The following NREP variants were observed in gnomAD, a reference collection of about 807,000 sequenced individuals.
NREP encodes the protein neuronal regeneration related protein.
NREP carries 5 observed loss-of-function variants against 8.6 expected under a neutral mutation model. The ratio of observed to expected loss-of-function variants is 0.58; its 90% confidence interval spans 0.30 to 1.22. The LOEUF is 1.22. Ranked by LOEUF, NREP falls within the 50% of genes most tolerant of loss-of-function variation. NREP has a pLI of 0.07. For missense variants in NREP, 86 were observed against 82.5 expected (o/e 1.04, Z -0.17); for synonymous variants, 27 against 28.0 (o/e 0.96, Z 0.11).
chr5:111,880,204 G>C (rs752966708), intron 2 of NREP, among the ~76,000 whole-genome samples: 1 of 151,836 alleles, frequency 6.6e-6, no homozygotes, highest in Non-Finnish European at 1.5e-5. Flanking sequence ...CTGTAAAATG[G>C]GTACCTACCT....
intron 2 of NREP, among the ~76,000 whole-genome samples, chr5:111,811,647 G>A (rs1426395749): frequency 6.6e-6 from 1 of 152,182 alleles, no homozygotes; most frequent in Non-Finnish European, 1.5e-5. Flanking sequence ...AGTATTCTGA[G>A]CAGGACAAAT....
chr5:111,927,173 G>A (rs1755411805), intron 2 of NREP, among the ~76,000 whole-genome samples: 1 of 152,064 alleles, frequency 6.6e-6, no homozygotes, highest in East Asian at 2.0e-4. Flanking sequence ...CTGGTGTGTG[G>A]TGGGGGAGCC....
intron 2 of NREP, among the ~76,000 whole-genome samples, chr5:111,754,387 C>T (rs898125251): frequency 2.0e-5 from 3 of 152,224 alleles, no homozygotes; most frequent in African/African-American, 7.2e-5. Flanking sequence ...GGTCACCTGA[C>T]ATATTGCAAC....
upstream of NREP, chr5:111,758,072 A>C (rs193177342): frequency 2.5e-4 from 250 of 985,508 alleles, 1 homozygote; most frequent in Admixed American, 0.011. Context: ...CAGACACACA[A>C]AGAGTCCGCG....
chr5:111,792,583 T>G (rs1464064295), intron 2 of NREP, among the ~76,000 whole-genome samples: 1 of 151,986 alleles, frequency 6.6e-6, no homozygotes, highest in African/African-American at 2.4e-5. Context: ...GCAAAAAGAG[T>G]GAAGCAGTTT....
At position 111,887,423 on chromosome 5, in the gene NREP, G is replaced by T. The variant is rs543446075; in HGVS notation, c.135+87851C>A. Among the ~76,000 whole-genome samples, 3 of 152,236 alleles carry T rather than the reference G, an allele frequency of 2.0e-5. No homozygotes were observed. The East Asian group carries it at 5.8e-4, about 29-fold the overall frequency. ...ATGCAGAATTGTTACTTCAAATAAA[G>T]TACTGTATCCCCAAGATTACAATAT... is the stretch of plus-strand genomic sequence containing the variant. On this transcript the variant is annotated intron_variant, in intron 2 of 3. Transcript: ENST00000395634.
chr5:111,867,632 A>G (rs989274683), intron 2 of NREP, among the ~76,000 whole-genome samples: 1 of 152,172 alleles, frequency 6.6e-6, no homozygotes, highest in African/African-American at 2.4e-5. Context: ...AAATGTTTAA[A>G]TATCAGCAAG....
Position 111,837,898 on chromosome 5 carries a change from A to G in NREP, c.136-102391T>C, listed in dbSNP as rs575317414. 3.0e-4 allele frequency among the ~76,000 whole-genome samples: 46 copies of G among 152,024 alleles called. 1 individual carries two copies. Among genetic ancestry groups the G allele is most frequent in the Non-Finnish European group, 5.3e-4 (36 of 67,948 alleles). On this transcript the variant is annotated intron_variant, in intron 2 of 3. Coordinates refer to the NREP transcript ENST00000395634. Reference sequence around the variant, plus strand: ...CATTCCAGTGGCCAAACCGTAAATAACTGATAGTATCAATATAATACTTTC... The same window carrying G: ...CATTCCAGTGGCCAAACCGTAAATAGCTGATAGTATCAATATAATACTTTC...
chr5:111,845,049 G>T (rs192816893), intron 2 of NREP, among the ~76,000 whole-genome samples: 1 of 152,032 alleles, frequency 6.6e-6, no homozygotes, highest in South Asian at 2.1e-4. Flanking sequence ...GGTGGGTCGG[G>T]AGCCTGGGGC....
intron 2 of NREP, among the ~76,000 whole-genome samples, chr5:111,918,585 A>T (rs535469635): frequency 2.6e-5 from 4 of 152,304 alleles, no homozygotes; most frequent in African/African-American, 9.6e-5. Context: ...ATTTTTGACA[A>T]ACCTGACAAA....
intron 2 of NREP, among the ~76,000 whole-genome samples, chr5:111,948,570 C>A (rs1470496716): frequency 6.6e-6 from 1 of 152,034 alleles, no homozygotes; most frequent in African/African-American, 2.4e-5. Flanking sequence ...AAAACAAGAG[C>A]CCCTCCCTGA....
intron 2 of NREP, among the ~76,000 whole-genome samples, chr5:111,748,336 A>C (rs1258779992): frequency 6.6e-6 from 1 of 152,070 alleles, no homozygotes. Flanking sequence ...TGTTCATTTC[A>C]TTTCCCGGAA....
intron 2 of NREP, among the ~76,000 whole-genome samples, chr5:111,819,973 C>G (rs182054631): frequency 2.1e-4 from 32 of 152,264 alleles, no homozygotes; most frequent in Admixed American, 1.6e-3. Flanking sequence ...AAAATTGCCA[C>G]AGATACTGAC....
At position 111,730,970 on chromosome 5, in the gene NREP, C is replaced by T. The variant is rs1802827; in HGVS notation, c.158G>A (p.Gly53Asp). Residue 53 changes from glycine to aspartate, a missense_variant, in exon 4 of 4, where the codon GGC becomes GAC. Gly to Asp is a moderately conservative substitution (Grantham distance 94). Coordinates refer to ENST00000257435, the MANE Select transcript of NREP (RefSeq NM_004772.4). ...ETNAASLTPL[G>D]SSELRSPRIS... ...TCTTGGGGAGCGGAGTTCACTGCTG[C>T]CCAGTGGAGTCAGGGAGGCAGCGTT... 1.9e-6 allele frequency: 3 copies of T among 1,613,844 alleles called. No individual in the cohort carries two copies. The highest frequency in any genetic ancestry group is 3.3e-5 in the Admixed American group (2 of 60,002).
intron 2 of NREP, among the ~76,000 whole-genome samples, chr5:111,817,516 A>G (rs1335562204): frequency 2.0e-5 from 3 of 152,114 alleles, no homozygotes; most frequent in African/African-American, 2.4e-5. Context: ...CTTTTAAAAT[A>G]TATTAGAGGC....
intron 2 of NREP, among the ~76,000 whole-genome samples, chr5:111,954,043 T>G (rs1433670376): frequency 6.6e-6 from 1 of 152,116 alleles, no homozygotes; most frequent in Non-Finnish European, 1.5e-5. Flanking sequence ...TCTGCAAATC[T>G]AACTTGAGGT....
At chr5:111,763,016 C>G (rs776884404) in intron 2 of NREP, among the ~76,000 whole-genome samples, 4 of 152,136 alleles carry the variant, frequency 2.6e-5, no homozygotes, top group Non-Finnish European at 5.9e-5. Flanking sequence ...ATTCACGGCT[C>G]GTTTTTCTCA....
At chr5:111,820,429 T>C (rs10066300) in intron 2 of NREP, among the ~76,000 whole-genome samples, 2,246 of 152,232 alleles carry the variant, frequency 0.015, 53 homozygotes, top group African/African-American at 0.051. Context: ...AAATATGAAA[T>C]CCACAAATGA....
chr5:111,743,281 G>T (rs1749798190), intron 2 of NREP, among the ~76,000 whole-genome samples: 1 of 151,180 alleles, frequency 6.6e-6, no homozygotes, highest in Non-Finnish European at 1.5e-5. Flanking sequence ...AAAAAAATCA[G>T]CCTTTGTTAG....
Sources: gnomAD v4.1 joint callset for allele counts (sites outside exome capture counted in the v4.1 genomes callset) on GRCh38, gnomAD v4.1.1 for gene constraint, MANE v1.5 for transcripts, NCBI Gene and HGNC (gene_info 2026-07-23, HGNC 2026-07-21) for gene names.